ZHX2: variants seen among roughly 807,000 people sequenced by gnomAD.
The protein encoded by ZHX2 is zinc fingers and homeoboxes 2.
Under a neutral mutation model 21.9 loss-of-function variants are expected in ZHX2, and 6 were observed. The observed-to-expected ratio is 0.27, with a 90% CI of 0.15 to 0.54. The LOEUF is 0.54. Among genes scored for constraint, ZHX2 ranks in the 20% least tolerant of loss-of-function variants. The pLI is 0.95. For missense variants in ZHX2, 908 were observed against 1,090.7 expected, an observed-to-expected ratio of 0.83 and a Z score of 2.36; for synonymous variants, 434 against 437.1, an observed-to-expected ratio of 0.99 and a Z score of 0.09.
At chr8:122,957,818 G>A (rs1813348717) in intron 3 of ZHX2, among the ~76,000 whole-genome samples, 1 of 152,110 alleles carries the variant, frequency 6.6e-6, no homozygotes, top group Non-Finnish European at 1.5e-5. Flanking sequence ...TGCACTAGGG[G>A]TGGCATTGAA....
chr8:122,930,164 G>T (rs920249059), intron 2 of ZHX2, among the ~76,000 whole-genome samples: 1 of 152,180 alleles, frequency 6.6e-6, no homozygotes, highest in African/African-American at 2.4e-5. Context: ...GGGCTAAGAA[G>T]CTCCTGCAAG....
At chr8:122,818,139 C>G (rs1459134093) in intron 1 of ZHX2, among the ~76,000 whole-genome samples, 2 of 152,158 alleles carry the variant, frequency 1.3e-5, no homozygotes, top group Admixed American at 6.5e-5. Flanking sequence ...CAGGGACTCT[C>G]CTGAGCACTC....
chr8:122,965,046 T>G (rs1158678945), intron 3 of ZHX2, among the ~76,000 whole-genome samples: 1 of 151,582 alleles, frequency 6.6e-6, no homozygotes, highest in African/African-American at 2.4e-5. Flanking sequence ...TTTTTTTTTT[T>G]TGGTTAATCT....
chr8:122,958,955 T>C (rs1343523659), intron 3 of ZHX2, among the ~76,000 whole-genome samples: 1 of 152,248 alleles, frequency 6.6e-6, no homozygotes, highest in Non-Finnish European at 1.5e-5. Flanking sequence ...ACCTGTTTCA[T>C]GAGAGTAGTG....
chr8:122,902,206 GC>G (rs1820250295), intron 2 of ZHX2, among the ~76,000 whole-genome samples: 1 of 152,168 alleles, frequency 6.6e-6, no homozygotes, highest in Non-Finnish European at 1.5e-5. Context: ...ATGTATTACA[GC>G]CTTACTCTGT....
chr8:122,926,836 G>C (rs1296056224), intron 2 of ZHX2, among the ~76,000 whole-genome samples: 1 of 152,126 alleles, frequency 6.6e-6, no homozygotes, highest in Non-Finnish European at 1.5e-5. Context: ...CCCTGCTGCT[G>C]TCACGTGGCC....
intron 2 of ZHX2, among the ~76,000 whole-genome samples, chr8:122,876,819 A>G (rs538481293): frequency 6.6e-6 from 1 of 152,284 alleles, no homozygotes; most frequent in Non-Finnish European, 1.5e-5. Flanking sequence ...CCAGGGTGAG[A>G]AGAAGCCCAT....
At chr8:122,848,564 G>A (rs1488053540) in intron 1 of ZHX2, among the ~76,000 whole-genome samples, 1 of 152,116 alleles carries the variant, frequency 6.6e-6, no homozygotes, top group African/African-American at 2.4e-5. Context: ...AAGACGTTTG[G>A]GTCCCATTCA....
chr8:122,884,468 G>A (rs117229328), intron 2 of ZHX2, among the ~76,000 whole-genome samples: 16 of 152,340 alleles, frequency 1.1e-4, no homozygotes, highest in South Asian at 1.0e-3. Flanking sequence ...TCATTGGGGT[G>A]GAAAGAGGGA....
intron 3 of ZHX2, among the ~76,000 whole-genome samples, chr8:122,961,619 T>G (rs1446971102): frequency 4.6e-5 from 7 of 152,130 alleles, no homozygotes. Flanking sequence ...GCAAGGCACC[T>G]TCTTCACAAG....
At chr8:122,834,516 C>T (rs772634464) in intron 1 of ZHX2, among the ~76,000 whole-genome samples, 12 of 152,368 alleles carry the variant, frequency 7.9e-5, no homozygotes, top group Admixed American at 7.8e-4. Flanking sequence ...CCCCGTGGGC[C>T]TGCAGGGCCC....
chr8:122,968,956 C>T (rs1191548879), intron 3 of ZHX2, among the ~76,000 whole-genome samples: 6 of 151,938 alleles, frequency 3.9e-5, no homozygotes, highest in Non-Finnish European at 8.8e-5. Flanking sequence ...GCCAAGAGTT[C>T]GAGACCAGCC....
At chr8:122,822,301 T>C (rs1818170344) in intron 1 of ZHX2, among the ~76,000 whole-genome samples, 1 of 152,080 alleles carries the variant, frequency 6.6e-6, no homozygotes, top group Admixed American at 6.6e-5. Flanking sequence ...TGATGGCGGC[T>C]CTTGTTTTGG....
chr8:122,944,105 C>T (rs555552016), intron 2 of ZHX2, among the ~76,000 whole-genome samples: 1 of 152,282 alleles, frequency 6.6e-6, no homozygotes, highest in African/African-American at 2.4e-5. Flanking sequence ...CCTCTACCTC[C>T]CAGAATTCTA....
At chr8:122,965,423 G>A (rs915740196) in intron 3 of ZHX2, among the ~76,000 whole-genome samples, 25 of 152,238 alleles carry the variant, frequency 1.6e-4, no homozygotes, top group African/African-American at 4.6e-4. Flanking sequence ...TCATTCAAGA[G>A]CGTATCATTT....
intron 2 of ZHX2, among the ~76,000 whole-genome samples, chr8:122,880,645 C>T (rs1413700765): frequency 6.6e-6 from 1 of 151,944 alleles, no homozygotes; most frequent in Non-Finnish European, 1.5e-5. Context: ...CACAGTTGTG[C>T]ACACCTGTAA....
At chr8:122,921,643 C>T (rs549049616) in intron 2 of ZHX2, among the ~76,000 whole-genome samples, 5 of 129,520 alleles carry the variant, frequency 3.9e-5, no homozygotes, top group African/African-American at 1.1e-4. Flanking sequence ...GAGACCCCAT[C>T]AAGAAAGAGA....
intron 2 of ZHX2, among the ~76,000 whole-genome samples, chr8:122,882,981 CCAAAAAACAAACAAACAAA>C (rs1819750887): frequency 6.6e-6 from 1 of 151,900 alleles, no homozygotes; most frequent in Non-Finnish European, 1.5e-5. Context: ...GACTCTGTCC[CCAAAAAACAAACAAACAAA>C]CAAAAAATCA....
At chr8:122,873,433 C>T (rs1819492750) in intron 2 of ZHX2, among the ~76,000 whole-genome samples, 2 of 152,192 alleles carry the variant, frequency 1.3e-5, no homozygotes, top group Admixed American at 1.3e-4. Flanking sequence ...TCTCCACTCC[C>T]CTGCAGCCCC....
Sources: gnomAD v4.1 joint callset for allele counts (sites outside exome capture counted in the v4.1 genomes callset) on GRCh38, gnomAD v4.1.1 for gene constraint, MANE v1.5 for transcripts, NCBI Gene and HGNC (gene_info 2026-07-23, HGNC 2026-07-21) for gene names.